ANK3: variants seen among roughly 807,000 people sequenced by gnomAD.
ANK3 encodes the protein ankyrin 3.
In ANK3, 57 loss-of-function variants were observed where a neutral mutation model predicts 370.9. The observed-to-expected ratio is 0.15, with a 90% CI of 0.12 to 0.19. ANK3 has a LOEUF of 0.19. ANK3 is among the 10% of genes least tolerant of loss of function. The pLI is 1.00. For synonymous variants in ANK3, 1,929 were observed against 1,946.3 expected (o/e 0.99, Z 0.23); for missense variants, 4,439 against 5,302.1 (o/e 0.84, Z 5.06).
chr10:60,290,154 C>T (rs757420322), intron 1 of ANK3, among the ~76,000 whole-genome samples: 20 of 152,130 alleles, frequency 1.3e-4, no homozygotes, highest in South Asian at 6.2e-4. Context: ...ATTACACAAA[C>T]GAAAACAACG....
At chr10:60,106,098 A>T in intron 27 of ANK3, 39 bp from the exon 28 acceptor site, 2 of 1,536,372 alleles carry the variant, frequency 1.3e-6, no homozygotes, top group Non-Finnish European at 1.8e-6. Context: ...ATCAAATTAA[A>T]TATATTTATA....
chr10:60,727,608 C>A (rs1160660080), intron 1 of ANK3, among the ~76,000 whole-genome samples: 1 of 152,174 alleles, frequency 6.6e-6, no homozygotes, highest in Non-Finnish European at 1.5e-5. Context: ...CCAACACATA[C>A]ACAAGCAAAA....
chr10:60,668,601 T>A (rs1398763301), intron 1 of ANK3, among the ~76,000 whole-genome samples: 1 of 152,156 alleles, frequency 6.6e-6, no homozygotes, highest in East Asian at 1.9e-4. Flanking sequence ...CAGAAGGGAC[T>A]TTCTCTTCCA....
intron 2 of ANK3, among the ~76,000 whole-genome samples, chr10:60,476,673 T>A (rs891906579): frequency 6.6e-6 from 1 of 152,172 alleles, no homozygotes; most frequent in Non-Finnish European, 1.5e-5. Flanking sequence ...AAATTCTGGA[T>A]ATAAATTGGA....
chr10:60,345,932 T>A (rs2055360466), intron 1 of ANK3, among the ~76,000 whole-genome samples: 1 of 152,042 alleles, frequency 6.6e-6, no homozygotes, highest in Non-Finnish European at 1.5e-5. Flanking sequence ...TAAAAACTAG[T>A]TCAAAAATAA....
chr10:60,190,753 C>T lies in ANK3; in HGVS notation c.1888-3841G>A, dbSNP rs1438191724. On this transcript the variant is annotated intron_variant, in intron 16 of 43. Coordinates refer to ENST00000280772, the MANE Select transcript of ANK3 (RefSeq NM_020987.5). ...AAGCAATCCTAAAATTCATACGGAACCAAAAGGGAGCCCAAATAGCTAAAG... is the reference window on the plus strand; with the variant it reads ...AAGCAATCCTAAAATTCATACGGAATCAAAAGGGAGCCCAAATAGCTAAAG... Among the ~76,000 whole-genome samples, 3 of 152,112 alleles carry T rather than the reference C, an allele frequency of 2.0e-5. No homozygotes were observed. The East Asian group carries it at 5.8e-4, about 29-fold the overall frequency.
intron 4 of ANK3, among the ~76,000 whole-genome samples, chr10:60,278,246 C>T (rs1027985249): frequency 7.2e-5 from 11 of 152,264 alleles, no homozygotes; most frequent in African/African-American, 2.4e-4. Flanking sequence ...GTGTAAGACC[C>T]TGCATTACAG....
chr10:60,203,123 G>A (rs1206233878), intron 11 of ANK3, 23 bp from the exon 12 acceptor site: 1 of 1,578,612 alleles, frequency 6.3e-7, no homozygotes, highest in East Asian at 2.2e-5. Context: ...GAAGAAAATG[G>A]TGGTTTGTTG....
intron 2 of ANK3, among the ~76,000 whole-genome samples, chr10:60,595,115 T>TA (rs1295753613): frequency 3.9e-5 from 6 of 152,172 alleles, no homozygotes; most frequent in African/African-American, 1.4e-4. Context: ...TCTATTTTTT[T>TA]TAAAAATTGA....
chr10:60,651,423 C>A (rs1420000019), intron 1 of ANK3, among the ~76,000 whole-genome samples: 2 of 152,048 alleles, frequency 1.3e-5, no homozygotes, highest in Non-Finnish European at 2.9e-5. Context: ...ACATAAAGCC[C>A]AAAACTTTAA....
chr10:60,716,629 T>G (rs549147635), intron 1 of ANK3, among the ~76,000 whole-genome samples: 1 of 152,298 alleles, frequency 6.6e-6, no homozygotes, highest in South Asian at 2.1e-4. Flanking sequence ...TCCTCCCACG[T>G]CAGCCTCCCA....
In ANK3 at chr10:60,094,475, G is replaced by A. The variant is rs116218073; in HGVS notation, c.3329-6117C>T. ...AGTTCTGGGATTACAGGCATGACCC[G>A]TGAAAACCACGCCCAGCCTCTCTGG... is the stretch of plus-strand genomic sequence containing the variant. On this transcript the variant is annotated intron_variant, in intron 28 of 43. Transcript: ENST00000280772. Among the ~76,000 whole-genome samples the A allele has an allele frequency of 3.3e-3, 508 of 152,056 alleles. 4 individuals carry two copies. Among genetic ancestry groups the A allele is most frequent in the African/African-American group, 0.011 (457 of 41,474 alleles).
chr10:60,100,234 G>GTTTTTTTTTTTTTGTTTTTTT (rs2090971296), intron 28 of ANK3, among the ~76,000 whole-genome samples: 1 of 57,898 alleles, frequency 1.7e-5, no homozygotes, highest in Non-Finnish European at 2.8e-5. Context: ...TTTTGCTATG[G>GTTTTTTTTTTTTTGTTTTTTT]TTTTTTTTTT....
At chr10:60,100,624 C>T (rs1419251744) in intron 28 of ANK3, among the ~76,000 whole-genome samples, 1 of 152,120 alleles carries the variant, frequency 6.6e-6, no homozygotes, top group Admixed American at 6.6e-5. Context: ...ATCTTAAAAA[C>T]TTCATTTGCT....
intron 1 of ANK3, among the ~76,000 whole-genome samples, chr10:60,377,230 T>C (rs1305905726): frequency 6.6e-6 from 1 of 152,200 alleles, no homozygotes; most frequent in Non-Finnish European, 1.5e-5. Flanking sequence ...TCTGAAGCTG[T>C]GTTCCTTTCA....
At chr10:60,719,294 T>C (rs1270296648) in intron 1 of ANK3, among the ~76,000 whole-genome samples, 1 of 152,170 alleles carries the variant, frequency 6.6e-6, no homozygotes, top group Non-Finnish European at 1.5e-5. Flanking sequence ...CAAACACTGT[T>C]GTAATAAGCA....
chr10:60,708,748 C>A (rs964150580), intron 1 of ANK3, among the ~76,000 whole-genome samples: 1 of 152,156 alleles, frequency 6.6e-6, no homozygotes, highest in Non-Finnish European at 1.5e-5. Flanking sequence ...GGCTGAGAAG[C>A]ACTTGTGAAG....
At chr10:60,568,883 T>C (rs2077524560) in intron 2 of ANK3, among the ~76,000 whole-genome samples, 1 of 152,272 alleles carries the variant, frequency 6.6e-6, no homozygotes, top group South Asian at 2.1e-4. Context: ...CTTCCACAGA[T>C]ACACACTGAG....
chr10:60,329,523 C>A lies in ANK3; in HGVS notation c.115-49884G>T, dbSNP rs148216393. 9.3e-3 allele frequency among the ~76,000 whole-genome samples: 1,409 copies of A among 152,196 alleles called. 16 individuals carry two copies. Among genetic ancestry groups the A allele is most frequent in the Non-Finnish European group, 0.014 (942 of 68,016 alleles). ...CATAAAGCCAAATCATGAGTGAACT[C>A]CCATTCACAATTGGTACAAAGAGAT... On this transcript the variant is annotated intron_variant, in intron 1 of 43. Transcript: ENST00000280772.
Sources: allele counts gnomAD v4.1 joint callset (sites outside exome capture counted in the v4.1 genomes callset), GRCh38; gene constraint gnomAD v4.1.1; transcripts MANE v1.5; gene names NCBI Gene and HGNC (gene_info 2026-07-23, HGNC 2026-07-21).